The following MROH1 variants were observed in gnomAD, a reference collection of about 807,000 sequenced individuals.
The protein encoded by MROH1 is maestro heat like repeat family member 1.
A neutral mutation model predicts 116.5 loss-of-function variants in MROH1; 117 were observed. The observed-to-expected ratio is 1.00, with a 90% CI of 0.86 to 1.17. The LOEUF is 1.17. MROH1 is among the 50% of genes most tolerant of loss of function. The probability of loss-of-function intolerance (pLI) is 0.00; values close to 1 mark genes in which losing one functional copy is unlikely to be tolerated. For missense variants in MROH1, 1,873 were observed against 1,338.5 expected (o/e 1.40, Z -6.23); for synonymous variants, 921 against 583.9 (o/e 1.58, Z -8.32).
At chr8:144,152,533 C>T (rs1166943597) in intron 1 of MROH1, among the ~76,000 whole-genome samples, 2 of 147,882 alleles carry the variant, frequency 1.4e-5, no homozygotes, top group Non-Finnish European at 2.9e-5. Context: ...GGACTACAGG[C>T]GTGTGAAAAA....
intron 8 of MROH1, 108 bp from the exon 9 acceptor site, chr8:144,191,607 T>G (rs980839751): frequency 5.8e-5 from 83 of 1,432,786 alleles, no homozygotes; most frequent in Non-Finnish European, 7.6e-5. Context: ...TAGCACCCAC[T>G]GGTAGCCCAG....
At chr8:144,218,328 A>G (rs1835729532) in intron 12 of MROH1, among the ~76,000 whole-genome samples, 1 of 152,058 alleles carries the variant, frequency 6.6e-6, no homozygotes, top group Non-Finnish European at 1.5e-5. Context: ...TTTCTCCAGC[A>G]GCCTCCAAGC....
chr8:144,197,503 T>C (rs1411994789), intron 10 of MROH1, among the ~76,000 whole-genome samples: 1 of 132,838 alleles, frequency 7.5e-6, no homozygotes, highest in South Asian at 2.6e-4. Flanking sequence ...TGGCGCGATC[T>C]TGGCTCACTG....
At position 144,259,415 on chromosome 8, in the gene MROH1, C is replaced by G. The variant is rs911480712; in HGVS notation, c.4044+61C>G. 81 of 712,766 alleles carry G rather than the reference C, an allele frequency of 1.1e-4. 1 individual carries two copies. The highest frequency in any genetic ancestry group is 1.1e-3 in the South Asian group (76 of 67,492). The allele number at this position is 712,766 out of a possible 1,614,324, so 44.2% of individuals were successfully genotyped here. A position where few individuals can be genotyped will look rare whatever the true frequency, so the allele number is the denominator to read the frequency against. Reference sequence around the variant, plus strand: ...GTGGGGCTCCTGCTCAGGACAGGCACGGGATGCCCTTTTCTTACCCCTAAA... The same window carrying G: ...GTGGGGCTCCTGCTCAGGACAGGCAGGGGATGCCCTTTTCTTACCCCTAAA... On this transcript the variant is annotated intron_variant, in intron 37 of 43. Transcript: ENST00000326134.
In MROH1 at chr8:144,239,091, G is replaced by C; in HGVS notation, c.1503G>C (p.Leu501=). 1 of 776,964 alleles carries C rather than the reference G, an allele frequency of 1.3e-6. No individual in the cohort carries two copies. The highest frequency in any genetic ancestry group is 2.4e-6 in the Non-Finnish European group (1 of 417,754). 48.1% of individuals were successfully genotyped at this position (776,964 alleles called of 1,614,324 possible). Residue 501 remains leucine, a synonymous_variant, in exon 16 of 44, where the codon CTG becomes CTC. Transcript: ENST00000326134. ...CCCCTGTGCGCTTCACTGGGGCCCT[G>C]ACTCCGCTCTGCAGGAGCCTCGTGC... The part of the protein sequence containing the change: ...FLTPVRFTGA[L]TPLCRSLVHL...
At chr8:144,181,760 G>A (rs1163754232) in intron 7 of MROH1, among the ~76,000 whole-genome samples, 4 of 152,120 alleles carry the variant, frequency 2.6e-5, no homozygotes, top group African/African-American at 9.7e-5. Context: ...GGCGCAGGAC[G>A]TGCCATCCAG....
At chr8:144,226,142 T>C (rs1234688051) in intron 14 of MROH1, among the ~76,000 whole-genome samples, 1 of 151,880 alleles carries the variant, frequency 6.6e-6, no homozygotes, top group Non-Finnish European at 1.5e-5. Flanking sequence ...CTCAAACTCC[T>C]GACCTCAGGT....
intron 33 of MROH1, chr8:144,250,587 T>C (rs1842691961): frequency 1.6e-6 from 1 of 632,450 alleles, no homozygotes; most frequent in South Asian, 1.8e-5. Flanking sequence ...CCTCACTGGC[T>C]CCGGTGGGCC....
At chr8:144,220,049 CCTT>C (rs1176244304) in intron 12 of MROH1, among the ~76,000 whole-genome samples, 1 of 152,204 alleles carries the variant, frequency 6.6e-6, no homozygotes, top group African/African-American at 2.4e-5. Flanking sequence ...TCCCCAGTGT[CCTT>C]CATTTTTATA....
chr8:144,216,597 A>G (rs1394028469), intron 12 of MROH1, among the ~76,000 whole-genome samples: 2 of 151,972 alleles, frequency 1.3e-5, no homozygotes. Context: ...TGGCTGCTCC[A>G]GGTGTTCTGG....
At position 144,180,239 on chromosome 8, in the gene MROH1, T is replaced by C; in HGVS notation, c.362T>C (p.Phe121Ser). The C allele has an allele frequency of 6.2e-7, 1 of 1,613,218 alleles. No homozygotes were observed. ...GTCCTGGTGGCCGTGGGAAGACAGT[T>C]CATCAGCAAGGTGATGGAGGAGCTG... ...SGVLVAVGRQ[F>S]ISKVMEELLR... Residue 121 changes from phenylalanine to serine, a missense_variant, in exon 6 of 44, where the codon TTC becomes TCC. Transcript: ENST00000326134. The surrounding 1 kb of genome is among the most constrained non-coding windows in gnomAD (Gnocchi z 7.4).
Position 144,244,316 on chromosome 8 carries a change from G to A in MROH1, c.2650G>A (p.Glu884Lys), listed in dbSNP as rs1412104377. 1.4e-6 allele frequency: 1 copy of A among 719,996 alleles called. No individual in the cohort carries two copies. 44.6% of individuals were successfully genotyped at this position (719,996 alleles called of 1,614,324 possible). Residue 884 changes from glutamate to lysine, a missense_variant, in exon 27 of 44, where the codon GAG becomes AAG. Glu to Lys is a moderately conservative substitution (Grantham distance 56). Coordinates refer to ENST00000326134, the MANE Select transcript of MROH1 (RefSeq NM_032450.3). Reference sequence around the variant, plus strand: ...GGCCCTGCTGCCTGAGCCCAAGGAGGAGGACGGAGGCTGCCAGAAGGTATC... The same window carrying A: ...GGCCCTGCTGCCTGAGCCCAAGGAGAAGGACGGAGGCTGCCAGAAGGTATC... ...IMALLPEPKE[E>K]DGGCQKSLYL...
At chr8:144,196,117 T>G (rs1829832970) in intron 10 of MROH1, among the ~76,000 whole-genome samples, 1 of 151,482 alleles carries the variant, frequency 6.6e-6, no homozygotes, top group South Asian at 2.1e-4. Context: ...AGTGAAACCC[T>G]GTCTCTACTG....
Position 144,179,450 on chromosome 8 carries a change from C to T in MROH1, c.169-5C>T, listed in dbSNP as rs577147566. 112 of 1,613,086 alleles carry T rather than the reference C, an allele frequency of 6.9e-5. No individual in the cohort carries two copies. Among genetic ancestry groups the T allele is most frequent in the Non-Finnish European group, 8.3e-5 (98 of 1,179,628 alleles). ...GGGACCGACCTGGACGGTGTCTCTC[C>T]GCAGCTGGCACACCCATACCGAGCA... On this transcript the variant is annotated splice_polypyrimidine_tract_variant and splice_region_variant and intron_variant, in intron 4 of 43. Coordinates refer to ENST00000326134, the MANE Select transcript of MROH1 (RefSeq NM_032450.3).
chr8:144,200,170 C>T (rs895151352), intron 11 of MROH1, among the ~76,000 whole-genome samples: 1 of 152,138 alleles, frequency 6.6e-6, no homozygotes, highest in African/African-American at 2.4e-5. Context: ...AAACAAGCAC[C>T]GGTGTGCTGG....
At chr8:144,212,768 T>G (rs377115855) in intron 12 of MROH1, among the ~76,000 whole-genome samples, 3 of 152,070 alleles carry the variant, frequency 2.0e-5, no homozygotes, top group Admixed American at 1.3e-4. Flanking sequence ...TTTTGTATTT[T>G]TTAGTACAGA....
intron 7 of MROH1, among the ~76,000 whole-genome samples, chr8:144,188,818 C>T (rs1418504848): frequency 1.3e-5 from 2 of 152,150 alleles, no homozygotes; most frequent in Non-Finnish European, 2.9e-5. Flanking sequence ...CTGAATAACT[C>T]GTCCCAGGCC....
chr8:144,191,392 A>C (rs936637524), intron 8 of MROH1, among the ~76,000 whole-genome samples: 1 of 152,144 alleles, frequency 6.6e-6, no homozygotes, highest in Non-Finnish European at 1.5e-5. Flanking sequence ...CCACACCTGC[A>C]CAGGGCCCCC....
chr8:144,234,661 C>T (rs1313353661), intron 14 of MROH1, among the ~76,000 whole-genome samples: 2 of 148,498 alleles, frequency 1.3e-5, no homozygotes, highest in Non-Finnish European at 1.5e-5. Flanking sequence ...GGATTACAGG[C>T]GCCCACCACC....
Sources: gnomAD v4.1 joint callset for allele counts (sites outside exome capture counted in the v4.1 genomes callset) on GRCh38, gnomAD v4.1.1 for gene constraint, Gnocchi (gnomAD v3.1) non-coding constraint, MANE v1.5 for transcripts, NCBI Gene and HGNC (gene_info 2026-07-23, HGNC 2026-07-21) for gene names.